The following GRM3 variants were observed in gnomAD, a reference collection of about 807,000 sequenced individuals.
The protein encoded by GRM3 is metabotropic glutamate receptor 3.
A neutral mutation model predicts 70.5 loss-of-function variants in GRM3; 26 were observed. That is an observed-to-expected ratio of 0.37 (90% confidence interval 0.27 to 0.51). The LOEUF is 0.51. GRM3 is among the 20% of genes least tolerant of loss of function. GRM3 has a pLI of 0.93. For missense variants in GRM3, 859 were observed against 1,123.8 expected (o/e 0.76, Z 3.37); for synonymous variants, 443 against 434.9 (o/e 1.02, Z -0.23).
rs138946117 is a variant in GRM3 at position 86,697,453 on chromosome 7, A to C, written c.-141+52581A>C. On this transcript the variant is annotated intron_variant, in intron 1 of 5. Transcript: ENST00000361669. ...GACACTTAACTGTCAGGGAGTGTTC[A>C]GACCTGGTTTGTCGGAGGATGGAAA... is the stretch of plus-strand genomic sequence containing the variant. 3.5e-3 allele frequency among the ~76,000 whole-genome samples: 536 copies of C among 152,282 alleles called. 4 individuals are homozygous for C. The highest frequency in any genetic ancestry group is 0.012 in the African/African-American group (509 of 41,576).
intron 1 of GRM3, among the ~76,000 whole-genome samples, chr7:86,648,550 T>C (rs1210253272): frequency 6.6e-6 from 1 of 152,176 alleles, no homozygotes; most frequent in African/African-American, 2.4e-5. Context: ...TCTGTTAGGA[T>C]TGGCAGTAGC....
chr7:86,863,778 A>T (rs1799004878), intron 5 of GRM3, among the ~76,000 whole-genome samples: 2 of 152,176 alleles, frequency 1.3e-5, no homozygotes, highest in Non-Finnish European at 2.9e-5. Context: ...TTGATTTTGC[A>T]CATTGTATTT....
intron 1 of GRM3, among the ~76,000 whole-genome samples, chr7:86,673,988 C>T (rs1323257711): frequency 2.6e-5 from 4 of 152,156 alleles, no homozygotes; most frequent in Admixed American, 2.6e-4. Flanking sequence ...AACTTATCTG[C>T]CTGCACTAAA....
intron 1 of GRM3, among the ~76,000 whole-genome samples, chr7:86,730,314 G>T (rs1185012088): frequency 6.6e-6 from 1 of 152,008 alleles, no homozygotes; most frequent in East Asian, 1.9e-4. Flanking sequence ...CAGCTACTCA[G>T]AAGGCTGAGA....
At chr7:86,780,101 ATT>A (rs1797005796) in intron 2 of GRM3, among the ~76,000 whole-genome samples, 1 of 152,074 alleles carries the variant, frequency 6.6e-6, no homozygotes, top group African/African-American at 2.4e-5. Flanking sequence ...TATGTGTCAC[ATT>A]TTCTTAATCC....
At chr7:86,858,061 A>G (rs1039318273) in intron 5 of GRM3, among the ~76,000 whole-genome samples, 4 of 151,888 alleles carry the variant, frequency 2.6e-5, no homozygotes, top group Non-Finnish European at 5.9e-5. Flanking sequence ...GGTTTACACC[A>G]TTCTCCTGCC....
At chr7:86,689,743 A>G (rs184873520) in intron 1 of GRM3, among the ~76,000 whole-genome samples, 2 of 152,282 alleles carry the variant, frequency 1.3e-5, no homozygotes, top group African/African-American at 2.4e-5. Flanking sequence ...ATTATTTTAC[A>G]TAGATGCCTT....
intron 1 of GRM3, among the ~76,000 whole-genome samples, chr7:86,683,490 A>C (rs745983838): frequency 6.6e-6 from 1 of 152,204 alleles, no homozygotes; most frequent in Non-Finnish European, 1.5e-5. Context: ...GATTTCATGA[A>C]GTCCTTCAAC....
intron 1 of GRM3, among the ~76,000 whole-genome samples, chr7:86,699,464 T>C (rs1487303945): frequency 1.3e-5 from 2 of 152,016 alleles, no homozygotes; most frequent in Non-Finnish European, 2.9e-5. Context: ...TTCCCATTGA[T>C]GGACAACACA....
At chr7:86,696,311 A>G (rs1265020704) in intron 1 of GRM3, among the ~76,000 whole-genome samples, 1 of 152,214 alleles carries the variant, frequency 6.6e-6, no homozygotes, top group Non-Finnish European at 1.5e-5. Context: ...AAGGTTCCTT[A>G]TAAGAGAGAA....
chr7:86,781,743 TC>T (rs1384398886), intron 2 of GRM3, among the ~76,000 whole-genome samples: 1 of 152,204 alleles, frequency 6.6e-6, no homozygotes, highest in Non-Finnish European at 1.5e-5. Context: ...TATGCTTTTT[TC>T]AATGGCATTA....
intron 1 of GRM3, 44 bp downstream of exon 1, chr7:86,644,916 G>C: frequency 8.6e-7 from 1 of 1,158,280 alleles, no homozygotes; most frequent in Non-Finnish European, 1.1e-6. Flanking sequence ...AGGGCGCCCA[G>C]CCAGGGCGCG....
intron 4 of GRM3, among the ~76,000 whole-genome samples, chr7:86,846,022 ATC>A (rs1341196290): frequency 6.6e-6 from 1 of 152,002 alleles, no homozygotes; most frequent in African/African-American, 2.4e-5. Context: ...TCATGATAAT[ATC>A]TCTTAGGGTC....
At chr7:86,734,629 G>A (rs1795813647) in intron 1 of GRM3, among the ~76,000 whole-genome samples, 1 of 152,110 alleles carries the variant, frequency 6.6e-6, no homozygotes. Context: ...ACCAAGCAAA[G>A]GCCTCTGACA....
At chr7:86,664,788 T>C (rs1478791835) in intron 1 of GRM3, among the ~76,000 whole-genome samples, 1 of 151,918 alleles carries the variant, frequency 6.6e-6, no homozygotes, top group Non-Finnish European at 1.5e-5. Flanking sequence ...CATACCCACC[T>C]CCTCTTGACA....
At chr7:86,688,689 CAT>C (rs755355844) in intron 1 of GRM3, among the ~76,000 whole-genome samples, 5 of 148,164 alleles carry the variant, frequency 3.4e-5, no homozygotes, top group Admixed American at 2.0e-4. Context: ...CCATGTATAT[CAT>C]ATATATATAT....
rs1797234590 is a variant in GRM3, at chr7:86,786,181, T to TA, written c.469-80_469-79insA. On this transcript the variant is annotated intron_variant, in intron 2 of 5. Coordinates refer to ENST00000361669, the MANE Select transcript of GRM3 (RefSeq NM_000840.3). This position sits in a 1 kb window ranked among gnomAD's most constrained non-coding sequence, Gnocchi z 6.0. The stretch of plus-strand genomic sequence containing the variant: ...GAGGGAAAAGGGAGTCAGTAAAAGG[T>TA]GTGGATGCTATTATTCATTTTCATG... 1 of 1,197,166 alleles carries TA rather than the reference T, an allele frequency of 8.4e-7. No individual in the cohort carries two copies. Among genetic ancestry groups the TA allele is most frequent in the Non-Finnish European group, 1.2e-6 (1 of 837,790 alleles). The allele number at this position is 1,197,166 out of a possible 1,614,324, so 74.2% of individuals were successfully genotyped here. A position where few individuals can be genotyped will look rare whatever the true frequency, so the allele number is the denominator to read the frequency against.
intron 1 of GRM3, among the ~76,000 whole-genome samples, chr7:86,761,017 C>T (rs1317570823): frequency 2.0e-5 from 3 of 152,054 alleles, no homozygotes; most frequent in Non-Finnish European, 4.4e-5. Context: ...CAATGGTATA[C>T]AAACTTTCAA....
intron 1 of GRM3, among the ~76,000 whole-genome samples, chr7:86,712,396 C>T (rs1584186486): frequency 6.6e-6 from 1 of 152,102 alleles, no homozygotes; most frequent in South Asian, 2.1e-4. Flanking sequence ...GGGGGAGGTA[C>T]ATGAGATAAT....
Sources: gnomAD v4.1 joint callset for allele counts (sites outside exome capture counted in the v4.1 genomes callset) on GRCh38, gnomAD v4.1.1 for gene constraint, Gnocchi (gnomAD v3.1) non-coding constraint, MANE v1.5 for transcripts, NCBI Gene and HGNC (gene_info 2026-07-23, HGNC 2026-07-21) for gene names.